The following ANKH variants were observed in gnomAD, a reference collection of about 807,000 sequenced individuals.
The protein encoded by ANKH is ANKH inorganic pyrophosphate transport regulator, also known as mineralization regulator ANKH.
A neutral mutation model predicts 49.0 loss-of-function variants in ANKH; 15 were observed. That is an observed-to-expected ratio of 0.31 (90% CI 0.20 to 0.47). ANKH has a LOEUF of 0.47. Ranked by LOEUF, ANKH falls within the 20% of genes least tolerant of loss-of-function variation. ANKH has a pLI of 1.00. For synonymous variants in ANKH, 273 were observed against 260.0 expected (o/e 1.05, Z -0.48); for missense variants, 429 against 652.0 (o/e 0.66, Z 3.72).
Position 14,787,036 on chromosome 5 carries a change from G to A in ANKH, c.97-17845C>T, listed in dbSNP as rs149062066. 3.1e-3 allele frequency among the ~76,000 whole-genome samples: 467 copies of A among 150,558 alleles called. 4 individuals are homozygous for A. The highest frequency in any genetic ancestry group is 0.011 in the African/African-American group (432 of 40,912). ...TAGAAAGAGGCCCAAGAAACAGGCC[G>A]GGTGCGGTGGCTCACGCCTGTAATT... On this transcript the variant is annotated intron_variant, in intron 1 of 11. Transcript: ENST00000284268.
chr5:14,807,468 C>T (rs1290544446), intron 1 of ANKH, among the ~76,000 whole-genome samples: 1 of 152,144 alleles, frequency 6.6e-6, no homozygotes, highest in African/African-American at 2.4e-5. Context: ...TTTGTAAGGG[C>T]TTAAGAATTC....
In ANKH at chr5:14,713,106, C is replaced by T. The variant is rs948723050; in HGVS notation, c.1266-133G>A. The T allele has an allele frequency of 1.6e-5, 14 of 873,364 alleles. No homozygotes were observed. The highest frequency in any genetic ancestry group is 2.2e-5 in the Non-Finnish European group (12 of 544,672). The allele number at this position is 873,364 out of a possible 1,614,324, so 54.1% of individuals were successfully genotyped here. ...AGCGGCGTTCTCCATCTGCTGGCTT[C>T]GTAAGGGCCGCAGCTAATAACCTAA... is the stretch of plus-strand genomic sequence containing the variant. On this transcript the variant is annotated intron_variant, in intron 10 of 11. Coordinates refer to ENST00000284268, the MANE Select transcript of ANKH (RefSeq NM_054027.6). The surrounding 1 kb of genome is among the most constrained non-coding windows in gnomAD (Gnocchi z 4.4).
At chr5:14,730,508 T>A (rs1464070428) in intron 8 of ANKH, among the ~76,000 whole-genome samples, 1 of 152,074 alleles carries the variant, frequency 6.6e-6, no homozygotes, top group Non-Finnish European at 1.5e-5. Flanking sequence ...TCTGAAGGCC[T>A]CATGGTCCCC....
At chr5:14,832,269 G>T (rs529634588) in intron 1 of ANKH, among the ~76,000 whole-genome samples, 3 of 152,228 alleles carry the variant, frequency 2.0e-5, no homozygotes, top group Non-Finnish European at 2.9e-5. Context: ...CTATTAAAAA[G>T]TTGCTGCCAC....
chr5:14,806,682 G>A (rs1414601382), intron 1 of ANKH, among the ~76,000 whole-genome samples: 7 of 152,124 alleles, frequency 4.6e-5, no homozygotes, highest in African/African-American at 1.7e-4. Flanking sequence ...AATGGGAACC[G>A]GCTGCGGCAG....
At chr5:14,827,277 A>G (rs1372132436) in intron 1 of ANKH, among the ~76,000 whole-genome samples, 1 of 152,106 alleles carries the variant, frequency 6.6e-6, no homozygotes, top group Non-Finnish European at 1.5e-5. Context: ...TTTCTCAACA[A>G]TCCTCTGAGC....
Position 14,871,374 on chromosome 5 carries a change from A to G in ANKH, c.74T>C (p.Ile25Thr), listed in dbSNP as rs750529067. Residue 25 changes from isoleucine to threonine, a missense_variant, in exon 1 of 12, where the codon ATA becomes ACA. Ile to Thr is a moderately conservative substitution (Grantham distance 89, BLOSUM62 -1). Coordinates refer to ENST00000284268, the MANE Select transcript of ANKH (RefSeq NM_054027.6). ...RFLVPLGITN[I>T]AIDFGEQALN... Reference sequence around the variant, plus strand: ...TACCTGCTCCCCGAAGTCGATGGCTATGTTGGTGATGCCCAGGGGCACCAA... The same window carrying G: ...TACCTGCTCCCCGAAGTCGATGGCTGTGTTGGTGATGCCCAGGGGCACCAA... 1 of 1,612,472 alleles carries G rather than the reference A, an allele frequency of 6.2e-7. No homozygotes were observed. Among genetic ancestry groups the G allele is most frequent in the South Asian group, 1.1e-5 (1 of 91,038 alleles).
chr5:14,845,769 A>C (rs929028225), intron 1 of ANKH, among the ~76,000 whole-genome samples: 2 of 151,530 alleles, frequency 1.3e-5, no homozygotes, highest in Non-Finnish European at 1.5e-5. Context: ...GGACATGTCT[A>C]ATTAGCTATG....
intron 8 of ANKH, chr5:14,741,489 CA>C (rs773046425): frequency 7.1e-5 from 19 of 268,966 alleles, no homozygotes; most frequent in African/African-American, 2.1e-4. Flanking sequence ...GGAAAAGAGA[CA>C]GGGGTGGTTG....
In ANKH at chr5:14,743,221, G is replaced by A. The variant is rs750529792; in HGVS notation, c.916-1299C>T. Among the ~76,000 whole-genome samples, 56 of 152,310 alleles carry A rather than the reference G, an allele frequency of 3.7e-4. No individual in the cohort carries two copies. The Middle Eastern group carries it at 0.01, about 28-fold the overall frequency. ...CAAGTCCCAGTGGTTGGAGACCTCC[G>A]TCTCCATTCACCCTGGATCTGTTAG... On this transcript the variant is annotated intron_variant, in intron 7 of 11. Transcript: ENST00000284268.
chr5:14,744,318 T>TG (rs1003877812), intron 7 of ANKH, among the ~76,000 whole-genome samples: 1 of 149,668 alleles, frequency 6.7e-6, no homozygotes, highest in African/African-American at 2.6e-5. Flanking sequence ...GTCCAGTAGG[T>TG]GGTGGGTCCT....
At chr5:14,795,453 C>CAATT (rs1374386398) in intron 1 of ANKH, among the ~76,000 whole-genome samples, 1 of 152,184 alleles carries the variant, frequency 6.6e-6, no homozygotes, top group Non-Finnish European at 1.5e-5. Flanking sequence ...AAATCATGTG[C>CAATT]AATTGATTGA....
At chr5:14,792,424 G>A (rs1740198992) in intron 1 of ANKH, among the ~76,000 whole-genome samples, 1 of 152,194 alleles carries the variant, frequency 6.6e-6, no homozygotes, top group Non-Finnish European at 1.5e-5. Context: ...GATGGGACAG[G>A]AGGGTGAAAG....
chr5:14,785,735 C>T (rs763771104), intron 1 of ANKH, among the ~76,000 whole-genome samples: 1 of 152,018 alleles, frequency 6.6e-6, no homozygotes, highest in Non-Finnish European at 1.5e-5. Context: ...TAATAAAACT[C>T]CTTAGTATAT....
intron 1 of ANKH, among the ~76,000 whole-genome samples, chr5:14,844,591 G>A (rs774524301): frequency 2.0e-5 from 3 of 152,160 alleles, no homozygotes; most frequent in Non-Finnish European, 2.9e-5. Flanking sequence ...AAACAACAGC[G>A]GTCAGGGAGA....
intron 1 of ANKH, among the ~76,000 whole-genome samples, chr5:14,774,524 G>T (rs1010504651): frequency 6.6e-6 from 1 of 151,792 alleles, no homozygotes; most frequent in Non-Finnish European, 1.5e-5. Context: ...TGCAACCTCC[G>T]CCTCCCAGGC....
intron 1 of ANKH, among the ~76,000 whole-genome samples, chr5:14,777,065 TG>T: frequency 6.6e-6 from 1 of 152,192 alleles, no homozygotes; most frequent in Non-Finnish European, 1.5e-5. Flanking sequence ...GTGGATCACC[TG>T]AAGTCAGGAG....
At chr5:14,769,764 GT>G (rs1366642701) in intron 1 of ANKH, among the ~76,000 whole-genome samples, 11 of 152,212 alleles carry the variant, frequency 7.2e-5, no homozygotes, top group Admixed American at 2.0e-4. Flanking sequence ...CATGCATGTT[GT>G]TTACCTGATT....
chr5:14,845,319 T>C (rs1741924975), intron 1 of ANKH, among the ~76,000 whole-genome samples: 1 of 151,526 alleles, frequency 6.6e-6, no homozygotes, highest in Admixed American at 6.6e-5. Context: ...ACATCACTGT[T>C]GGCAGAAGAA....
Sources: allele counts gnomAD v4.1 joint callset (sites outside exome capture counted in the v4.1 genomes callset), GRCh38; gene constraint gnomAD v4.1.1; non-coding constraint Gnocchi (gnomAD v3.1); transcripts MANE v1.5; gene names NCBI Gene and HGNC (gene_info 2026-07-23, HGNC 2026-07-21).